CORIN: variants seen among roughly 807,000 people sequenced by gnomAD.
CORIN encodes atrial natriuretic peptide-converting enzyme.
CORIN carries 117 observed loss-of-function variants against 125.3 expected under a neutral mutation model. The ratio of observed to expected loss-of-function variants is 0.93; its 90% CI spans 0.80 to 1.09. The LOEUF is 1.09. Among genes scored for constraint, CORIN ranks in the 50% least tolerant of loss-of-function variants. The pLI is 0.00. For missense variants in CORIN, 1,253 were observed against 1,306.7 expected, an observed-to-expected ratio of 0.96 and a Z score of 0.63; for synonymous variants, 450 against 466.4, an observed-to-expected ratio of 0.96 and a Z score of 0.45.
rs1275859665 is a variant in CORIN at position 47,649,451 on chromosome 4, G to T, written c.1843+4102C>A. On this transcript the variant is annotated intron_variant, in intron 13 of 21. Transcript: ENST00000273857. ...AGGACTCCTTCCCTCAAGGGAGATG[G>T]CTGGGGCAGCCTTTGAAAGGAATCG... 1.3e-5 allele frequency among the ~76,000 whole-genome samples: 2 copies of T among 152,230 alleles called. 1 individual carries two copies. Among genetic ancestry groups the T allele is most frequent in the Admixed American group, 1.3e-4 (2 of 15,286 alleles).
intron 4 of CORIN, among the ~76,000 whole-genome samples, chr4:47,762,712 C>A (rs1222285240): frequency 2.0e-5 from 3 of 152,152 alleles, no homozygotes; most frequent in African/African-American, 7.2e-5. Flanking sequence ...GGATCTCATC[C>A]ACCATGCTCA....
intron 15 of CORIN, 103 bp downstream of exon 15, chr4:47,643,043 T>A: frequency 6.3e-7 from 1 of 1,576,658 alleles, no homozygotes; most frequent in Non-Finnish European, 8.6e-7. Context: ...ACAAAATAGA[T>A]GAACTTGGTC....
intron 4 of CORIN, among the ~76,000 whole-genome samples, chr4:47,760,630 G>C (rs1729404291): frequency 6.6e-6 from 1 of 152,150 alleles, no homozygotes; most frequent in Admixed American, 6.5e-5. Flanking sequence ...AAGATCATTG[G>C]CTTCAACTTA....
chr4:47,721,337 T>C (rs544740417), intron 5 of CORIN, among the ~76,000 whole-genome samples: 2 of 151,964 alleles, frequency 1.3e-5, no homozygotes, highest in African/African-American at 4.8e-5. Flanking sequence ...TGGTGCGATC[T>C]CAGCTCACTG....
At chr4:47,657,165 A>G (rs1368122650) in intron 12 of CORIN, among the ~76,000 whole-genome samples, 1 of 152,222 alleles carries the variant, frequency 6.6e-6, no homozygotes, top group Non-Finnish European at 1.5e-5. Context: ...ATCCATGTTC[A>G]TGGATTGGAA....
At chr4:47,632,734 G>GATAGAT (rs1722867733) in intron 16 of CORIN, among the ~76,000 whole-genome samples, 1 of 110,670 alleles carries the variant, frequency 9.0e-6, no homozygotes, top group Non-Finnish European at 1.9e-5. Context: ...ATGATAGATA[G>GATAGAT]ATAGATAGAT....
chr4:47,637,983 G>C (rs944937241), intron 16 of CORIN, among the ~76,000 whole-genome samples: 3 of 152,232 alleles, frequency 2.0e-5, no homozygotes, highest in Non-Finnish European at 4.4e-5. Context: ...ACCCTGCAAA[G>C]CCACAGGGGC....
chr4:47,602,544 G>T (rs1046085746), intron 20 of CORIN, among the ~76,000 whole-genome samples: 30 of 152,136 alleles, frequency 2.0e-4, no homozygotes, highest in Non-Finnish European at 1.3e-4. Context: ...TGACCATGCA[G>T]CTTGACTGCA....
At chr4:47,624,849 A>T (rs563345115) in intron 17 of CORIN, among the ~76,000 whole-genome samples, 1 of 151,794 alleles carries the variant, frequency 6.6e-6, no homozygotes, top group South Asian at 2.1e-4. Context: ...AAATACTATG[A>T]TGTACTTAGA....
In CORIN at chr4:47,788,583, G is replaced by A. The variant is rs116196702; in HGVS notation, c.209-1658C>T. Among the ~76,000 whole-genome samples the A allele has an allele frequency of 1.5e-3, 232 of 152,242 alleles. 1 individual carries two copies. Among genetic ancestry groups the A allele is most frequent in the African/African-American group, 5.4e-3 (225 of 41,532 alleles). ...ATCCTAATCAAAATAAATGTGATAG[G>A]TTTAATTACTATAGGAAATGTATTT... On this transcript the variant is annotated intron_variant, in intron 2 of 21. Coordinates refer to ENST00000273857, the MANE Select transcript of CORIN (RefSeq NM_006587.4).
At chr4:47,785,347 G>A (rs1269994745) in intron 3 of CORIN, among the ~76,000 whole-genome samples, 1 of 152,068 alleles carries the variant, frequency 6.6e-6, no homozygotes. Context: ...TTATCAAAAG[G>A]TAGAGTCACA....
chr4:47,771,648 G>A (rs1354426255), intron 3 of CORIN, among the ~76,000 whole-genome samples: 1 of 152,052 alleles, frequency 6.6e-6, no homozygotes, highest in East Asian at 1.9e-4. Context: ...ATGTGTCCAT[G>A]TGTTCTCATC....
chr4:47,746,750 T>C (rs369877245), intron 4 of CORIN, among the ~76,000 whole-genome samples: 4 of 152,194 alleles, frequency 2.6e-5, no homozygotes, highest in African/African-American at 9.6e-5. Context: ...GCCAGGCTGG[T>C]CTCAAACTCC....
At chr4:47,637,242 A>T (rs949872886) in intron 16 of CORIN, among the ~76,000 whole-genome samples, 1 of 152,178 alleles carries the variant, frequency 6.6e-6, no homozygotes, top group African/African-American at 2.4e-5. Flanking sequence ...GTGCTGTTAA[A>T]GGCATTCATT....
At chr4:47,632,810 C>T (rs1299617500) in intron 16 of CORIN, among the ~76,000 whole-genome samples, 5 of 148,040 alleles carry the variant, frequency 3.4e-5, no homozygotes, top group Non-Finnish European at 7.4e-5. Context: ...GATGGAGTCT[C>T]ACTCTGTCGC....
At chr4:47,662,000 A>G in intron 11 of CORIN, 144 bp from the exon 12 acceptor site, 1 of 773,380 alleles carries the variant, frequency 1.3e-6, no homozygotes, top group Admixed American at 3.4e-5. Flanking sequence ...TATATATGAT[A>G]GGTATTTGGG....
chr4:47,636,257 G>A (rs1012279914), intron 16 of CORIN, among the ~76,000 whole-genome samples: 8 of 152,082 alleles, frequency 5.3e-5, no homozygotes, highest in Non-Finnish European at 8.8e-5. Flanking sequence ...ACTGTTTCCC[G>A]ATTATCTAAC....
chr4:47,822,406 AC>A (rs1732558279), intron 1 of CORIN, among the ~76,000 whole-genome samples: 2 of 152,234 alleles, frequency 1.3e-5, no homozygotes. Context: ...ATATATTGCA[AC>A]CACCTAATTC....
chr4:47,624,083 T>A (rs1722454060), intron 17 of CORIN, 135 bp from the exon 18 acceptor site: 3 of 733,740 alleles, frequency 4.1e-6, no homozygotes, highest in Middle Eastern at 4.9e-4. Flanking sequence ...TTTCCTGTGT[T>A]ACCACAGGAA....
Sources: allele counts gnomAD v4.1 joint callset (sites outside exome capture counted in the v4.1 genomes callset), GRCh38; gene constraint gnomAD v4.1.1; transcripts MANE v1.5; gene names NCBI Gene and HGNC (gene_info 2026-07-23, HGNC 2026-07-21).